Variants in SBF2 observed in about 807,000 individuals in gnomAD.
SBF2 encodes myotubularin-related protein 13.
SBF2 carries 112 observed loss-of-function variants against 225.2 expected under a neutral mutation model. The observed-to-expected ratio is 0.50, with a 90% CI of 0.43 to 0.58. The LOEUF (loss-of-function observed/expected upper bound fraction) is 0.58. Among genes scored for constraint, SBF2 ranks in the 20% least tolerant of loss-of-function variants. The pLI is 0.00. For synonymous variants in SBF2, 763 were observed against 773.3 expected (o/e 0.99, Z 0.22); for missense variants, 1,996 against 2,206.2 (o/e 0.90, Z 1.91).
At chr11:9,869,272 GA>G (rs1199606692) in intron 17 of SBF2, among the ~76,000 whole-genome samples, 1 of 152,056 alleles carries the variant, frequency 6.6e-6, no homozygotes, top group Non-Finnish European at 1.5e-5. Flanking sequence ...AATCTGTTTA[GA>G]AACAAACCCT....
At chr11:9,931,758 A>G (rs2134260920) in intron 16 of SBF2, among the ~76,000 whole-genome samples, 1 of 152,350 alleles carries the variant, frequency 6.6e-6, no homozygotes, top group South Asian at 2.1e-4. Flanking sequence ...CAGCAATGGA[A>G]CAAAGCTGGA....
intron 1 of SBF2, among the ~76,000 whole-genome samples, chr11:10,216,562 C>G (rs1958136905): frequency 6.6e-6 from 1 of 152,186 alleles, no homozygotes; most frequent in African/African-American, 2.4e-5. Context: ...GTAAGAACTT[C>G]TAAAAGGATT....
intron 29 of SBF2, among the ~76,000 whole-genome samples, chr11:9,816,462 T>C (rs1854463508): frequency 6.6e-6 from 1 of 152,216 alleles, no homozygotes; most frequent in African/African-American, 2.4e-5. Flanking sequence ...AGGTTTACCA[T>C]AACAAAACTA....
At chr11:10,222,783 T>C (rs925981800) in intron 1 of SBF2, among the ~76,000 whole-genome samples, 1 of 152,140 alleles carries the variant, frequency 6.6e-6, no homozygotes, top group Admixed American at 6.6e-5. Flanking sequence ...CAAATTTCTT[T>C]TGTGAAAAAA....
chr11:10,229,005 A>G (rs1345285806), intron 1 of SBF2, among the ~76,000 whole-genome samples: 2 of 151,776 alleles, frequency 1.3e-5, no homozygotes, highest in Non-Finnish European at 2.9e-5. Flanking sequence ...AGCTCCTGTT[A>G]TTGGTCTATT....
chr11:9,792,257 C>A (rs1852797274), intron 33 of SBF2, among the ~76,000 whole-genome samples: 1 of 151,896 alleles, frequency 6.6e-6, no homozygotes, highest in Non-Finnish European at 1.5e-5. Context: ...ATGGTGAAAC[C>A]CCATCTCTAC....
intron 2 of SBF2, among the ~76,000 whole-genome samples, chr11:10,140,017 T>G (rs1316157881): frequency 6.6e-6 from 1 of 152,184 alleles, no homozygotes; most frequent in Non-Finnish European, 1.5e-5. Flanking sequence ...GAGATTAAAC[T>G]TGTATTTCAC....
At chr11:10,187,279 C>CCT (rs148726419) in intron 2 of SBF2, among the ~76,000 whole-genome samples, 68 of 150,124 alleles carry the variant, frequency 4.5e-4, no homozygotes, top group South Asian at 4.5e-3. Flanking sequence ...TCCTCTCTCT[C>CCT]CTCTCTCTCT....
chr11:10,261,529 G>A (rs945942689), intron 1 of SBF2, among the ~76,000 whole-genome samples: 1 of 152,134 alleles, frequency 6.6e-6, no homozygotes, highest in African/African-American at 2.4e-5. Flanking sequence ...CATTGTCGGT[G>A]GAGACATAAG....
At chr11:9,919,105 G>C (rs892390532) in intron 16 of SBF2, among the ~76,000 whole-genome samples, 3 of 151,984 alleles carry the variant, frequency 2.0e-5, no homozygotes, top group Non-Finnish European at 4.4e-5. Context: ...AATGTATGGA[G>C]GTAAATTACC....
intron 21 of SBF2, 78 bp from the exon 22 acceptor site, chr11:9,850,296 C>T (rs1237534920): frequency 7.3e-7 from 1 of 1,366,958 alleles, no homozygotes; most frequent in East Asian, 2.3e-5. Context: ...TGCTCTGTTG[C>T]CCAGCCTAGA....
At chr11:10,101,730 TTTAA>T (rs1229220232) in intron 2 of SBF2, among the ~76,000 whole-genome samples, 74 of 151,752 alleles carry the variant, frequency 4.9e-4, no homozygotes, top group African/African-American at 1.7e-3. Context: ...TCTGCAAGGG[TTTAA>T]TTAATAGAAA....
intron 2 of SBF2, among the ~76,000 whole-genome samples, chr11:10,132,942 A>C (rs1156809553): frequency 4.0e-5 from 6 of 149,066 alleles, no homozygotes; most frequent in Non-Finnish European, 5.9e-5. Context: ...CCCACCAGAG[A>C]AGCTAGGTAC....
intron 16 of SBF2, among the ~76,000 whole-genome samples, chr11:9,898,060 CAGG>C (rs1278086560): frequency 1.3e-5 from 2 of 151,056 alleles, no homozygotes; most frequent in South Asian, 2.1e-4. Context: ...CTCCAGAAAA[CAGG>C]AGGAAGAGTC....
intron 16 of SBF2, among the ~76,000 whole-genome samples, chr11:9,937,692 T>C (rs1345660433): frequency 6.6e-6 from 1 of 152,052 alleles, no homozygotes; most frequent in African/African-American, 2.4e-5. Context: ...TCTTTTGAAT[T>C]GGTATTATTG....
chr11:9,983,385 T>G (rs1947045395), intron 13 of SBF2, among the ~76,000 whole-genome samples: 1 of 152,108 alleles, frequency 6.6e-6, no homozygotes, highest in African/African-American at 2.4e-5. Context: ...TCCAGTGAGC[T>G]GGGAATCTCA....
intron 2 of SBF2, among the ~76,000 whole-genome samples, chr11:10,094,079 C>T (rs191483679): frequency 1.3e-5 from 2 of 152,254 alleles, no homozygotes; most frequent in Admixed American, 1.3e-4. Flanking sequence ...GCCTATAATC[C>T]CAGCACTTTG....
chr11:10,178,542 C>T (rs558269135), intron 2 of SBF2, among the ~76,000 whole-genome samples: 12 of 149,934 alleles, frequency 8.0e-5, no homozygotes, highest in Non-Finnish European at 1.6e-4. Flanking sequence ...AGGACATGAA[C>T]AGACACTTCT....
At chr11:10,167,913 G>T (rs1157726039) in intron 2 of SBF2, among the ~76,000 whole-genome samples, 3 of 152,184 alleles carry the variant, frequency 2.0e-5, no homozygotes, top group Non-Finnish European at 4.4e-5. Flanking sequence ...AGCTACTTGG[G>T]AGGCTGAGGC....
Sources: gnomAD v4.1 joint callset for allele counts (sites outside exome capture counted in the v4.1 genomes callset) on GRCh38, gnomAD v4.1.1 for gene constraint, MANE v1.5 for transcripts, NCBI Gene and HGNC (gene_info 2026-07-23, HGNC 2026-07-21) for gene names.